Variants in RYR3 observed in about 807,000 individuals in gnomAD.
The protein encoded by RYR3 is ryanodine receptor 3, also known as brain ryanodine receptor-calcium release channel.
Under a neutral mutation model 584.3 loss-of-function variants are expected in RYR3, and 207 were observed. That is an observed-to-expected ratio of 0.35 (90% CI 0.32 to 0.40). The LOEUF is 0.40. Ranked by LOEUF, RYR3 falls within the 10% of genes least tolerant of loss-of-function variation. The probability of loss-of-function intolerance (pLI) is 1.00; values close to 1 mark genes in which losing one functional copy is unlikely to be tolerated. For synonymous variants in RYR3, 2,416 were observed against 2,248.5 expected (o/e 1.07, Z -2.11); for missense variants, 5,616 against 6,089.2 (o/e 0.92, Z 2.59).
chr15:33,596,498 G>T (rs1018826234), intron 16 of RYR3, among the ~76,000 whole-genome samples: 15 of 137,314 alleles, frequency 1.1e-4, no homozygotes, highest in Middle Eastern at 3.8e-3. Context: ...CTTTTTTTGG[G>T]GGGGGGGGAT....
At chr15:33,490,497 C>G (rs2050874229) in intron 2 of RYR3, among the ~76,000 whole-genome samples, 1 of 152,108 alleles carries the variant, frequency 6.6e-6, no homozygotes. Flanking sequence ...CCTAATAGTA[C>G]TGAGGGTGGA....
chr15:33,572,985 TAAAAAA>T (rs2058113714), intron 12 of RYR3, among the ~76,000 whole-genome samples: 1 of 152,162 alleles, frequency 6.6e-6, no homozygotes, highest in Non-Finnish European at 1.5e-5. Context: ...AAAAAATAAA[TAAAAAA>T]TAAAAATAAG....
At chr15:33,811,895 T>G (rs2076571374) in intron 72 of RYR3, among the ~76,000 whole-genome samples, 1 of 152,204 alleles carries the variant, frequency 6.6e-6, no homozygotes, top group South Asian at 2.1e-4. Context: ...GAACAACTCT[T>G]ACCTCAGATA....
At position 33,859,628 on chromosome 15, in the gene RYR3, T is replaced by C. The variant is rs911119968; in HGVS notation, c.14196T>C (p.Asp4732=). 6 of 1,613,946 alleles carry C rather than the reference T, an allele frequency of 3.7e-6. No individual in the cohort carries two copies. In the Admixed American group the frequency reaches 5.0e-5, roughly 13 times the overall value. ...VGVRAGGGIG[D]EIEDPAGDPY... ...TGAGAGCAGGAGGTGGCATTGGTGA[T>C]GAAATTGAAGACCCTGCTGGTGATC... The change falls in exon 100 of 104, where the codon GAT becomes GAC. Residue 4732 remains aspartate (D), a synonymous_variant. Coordinates refer to ENST00000634891, the MANE Select transcript of RYR3 (RefSeq NM_001036.6).
intron 1 of RYR3, among the ~76,000 whole-genome samples, chr15:33,399,963 C>T (rs1356474841): frequency 6.6e-6 from 1 of 152,100 alleles, no homozygotes; most frequent in African/African-American, 2.4e-5. Flanking sequence ...CTACACAGTC[C>T]AGACTCCACT....
chr15:33,409,708 G>C (rs903896212), intron 1 of RYR3, among the ~76,000 whole-genome samples: 1 of 152,228 alleles, frequency 6.6e-6, no homozygotes, highest in African/African-American at 2.4e-5. Context: ...TTGGCCAGAG[G>C]TGGGTGTACG....
intron 43 of RYR3, among the ~76,000 whole-genome samples, chr15:33,716,252 G>A (rs2033327619): frequency 6.6e-6 from 1 of 152,108 alleles, no homozygotes; most frequent in Non-Finnish European, 1.5e-5. Flanking sequence ...TCAGCCTCAG[G>A]TATTTTTTTA....
intron 18 of RYR3, among the ~76,000 whole-genome samples, chr15:33,605,939 CCCAGGTCATTA>C (rs1338266113): frequency 6.6e-6 from 1 of 152,144 alleles, no homozygotes; most frequent in African/African-American, 2.4e-5. Flanking sequence ...GATTTAAATG[CCCAGGTCATTA>C]CCTTTAAAGT....
At chr15:33,832,067 G>T (rs1208863753) in intron 86 of RYR3, among the ~76,000 whole-genome samples, 1 of 152,126 alleles carries the variant, frequency 6.6e-6, no homozygotes, top group Non-Finnish European at 1.5e-5. Flanking sequence ...GCTGAGGCGG[G>T]TGGATTGTCT....
chr15:33,846,292 A>G (rs1287009646), intron 93 of RYR3, among the ~76,000 whole-genome samples: 1 of 152,248 alleles, frequency 6.6e-6, no homozygotes, highest in Non-Finnish European at 1.5e-5. Flanking sequence ...GGTTTAAGGC[A>G]AGTCACATGG....
intron 94 of RYR3, chr15:33,850,625 TC>T (rs1427395956): frequency 1.3e-5 from 2 of 151,996 alleles, no homozygotes; most frequent in Admixed American, 1.3e-4. Flanking sequence ...GTGCTTTTTT[TC>T]AGTTAACTGT....
Position 33,722,744 on chromosome 15 carries a change from G to A in RYR3, c.6649G>A (p.Val2217Met). 6.2e-7 allele frequency: 1 copy of A among 1,612,680 alleles called. No individual in the cohort carries two copies. The highest frequency in any genetic ancestry group is 1.7e-5 in the Admixed American group (1 of 59,512). Reference protein sequence around the residue: ...SESVEENASVVVKLLIRRPEC... With the variant: ...SESVEENASVMVKLLIRRPEC... ...GAGTGTGGAAGAAAACGCCAGCGTT[G>A]TGGTCAAGCTGCTCATCAGACGCCC... Residue 2217 changes from valine to methionine, a missense_variant, in exon 44 of 104, where the codon GTG (valine) becomes ATG (methionine). Coordinates refer to ENST00000634891, the MANE Select transcript of RYR3 (RefSeq NM_001036.6).
At chr15:33,694,843 A>C (rs1210374125) in intron 38 of RYR3, among the ~76,000 whole-genome samples, 1 of 152,236 alleles carries the variant, frequency 6.6e-6, no homozygotes, top group African/African-American at 2.4e-5. Context: ...TATGTGTCCC[A>C]TCTGAATCTA....
At chr15:33,422,264 A>G (rs1184378593) in intron 1 of RYR3, among the ~76,000 whole-genome samples, 1 of 152,166 alleles carries the variant, frequency 6.6e-6, no homozygotes, top group African/African-American at 2.4e-5. Flanking sequence ...CTGAAGGACA[A>G]TGAGGCAGCA....
At chr15:33,526,476 C>A (rs919692899) in intron 3 of RYR3, among the ~76,000 whole-genome samples, 8 of 152,252 alleles carry the variant, frequency 5.3e-5, no homozygotes, top group Admixed American at 5.2e-4. Context: ...CCTTTGTGAG[C>A]AGACCCACAC....
intron 1 of RYR3, among the ~76,000 whole-genome samples, chr15:33,441,569 T>C (rs1173940612): frequency 1.3e-5 from 2 of 152,148 alleles, no homozygotes; most frequent in Admixed American, 1.3e-4. Flanking sequence ...TAAACCCATT[T>C]ATTCTTGTTT....
At chr15:33,329,665 T>C (rs1486089790) in intron 1 of RYR3, among the ~76,000 whole-genome samples, 2 of 152,206 alleles carry the variant, frequency 1.3e-5, no homozygotes, top group Non-Finnish European at 2.9e-5. Flanking sequence ...CTCAATGTTC[T>C]CAATACTCCT....
At chr15:33,699,931 G>C in intron 41 of RYR3, 98 bp downstream of exon 41, 1 of 1,208,150 alleles carries the variant, frequency 8.3e-7, no homozygotes, top group Non-Finnish European at 1.2e-6. Context: ...CCACATGCAC[G>C]CTGTGATATT....
At chr15:33,575,185 C>CT (rs35642004) in intron 12 of RYR3, among the ~76,000 whole-genome samples, 27,939 of 152,074 alleles carry the variant, frequency 0.18, 4,483 homozygotes, top group African/African-American at 0.44. Flanking sequence ...TAGTGGGAGA[C>CT]TTTAACTCCC....
Sources: gnomAD v4.1 joint callset for allele counts (sites outside exome capture counted in the v4.1 genomes callset) on GRCh38, gnomAD v4.1.1 for gene constraint, MANE v1.5 for transcripts, NCBI Gene and HGNC (gene_info 2026-07-23, HGNC 2026-07-21) for gene names.